The following AFF1 variants were observed in gnomAD, a reference collection of about 807,000 sequenced individuals.
The protein encoded by AFF1 is AF4/FMR2 family member 1.
AFF1 carries 48 observed loss-of-function variants against 121.7 expected under a neutral mutation model. That is an observed-to-expected ratio of 0.39 (90% confidence interval 0.31 to 0.50). The LOEUF (loss-of-function observed/expected upper bound fraction) is 0.50, where lower values mean the gene tolerates loss of function less well. Among genes scored for constraint, AFF1 ranks in the 20% least tolerant of loss-of-function variants. The pLI, the probability that AFF1 is intolerant of heterozygous loss-of-function variation, is 0.76. For synonymous variants in AFF1, 613 were observed against 563.0 expected, an observed-to-expected ratio of 1.09 and a Z score of -1.26; for missense variants, 1,523 against 1,511.7, an observed-to-expected ratio of 1.01 and a Z score of -0.12.
intron 2 of AFF1, among the ~76,000 whole-genome samples, chr4:87,001,286 G>A (rs540684351): frequency 3.3e-5 from 4 of 122,620 alleles, no homozygotes; most frequent in Admixed American, 1.2e-4. Flanking sequence ...GTGCAATCTC[G>A]GCTCACTGCA....
intron 2 of AFF1, among the ~76,000 whole-genome samples, chr4:87,030,785 CTG>C (rs1728996313): frequency 6.6e-6 from 1 of 152,166 alleles, no homozygotes. Context: ...CAGCAAAGCT[CTG>C]TGTAACCAGC....
intron 16 of AFF1, 98 bp downstream of exon 16, chr4:87,127,801 T>TAGGGGAAA: frequency 8.2e-7 from 1 of 1,225,534 alleles, no homozygotes; most frequent in Non-Finnish European, 1.2e-6. Flanking sequence ...TCACTCAGCG[T>TAGGGGAAA]ATGTGCGGTG....
chr4:87,131,788 T>G lies in AFF1; in HGVS notation c.3102-5T>G. On this transcript the variant is annotated splice_region_variant and splice_polypyrimidine_tract_variant and intron_variant, in intron 17 of 20. Coordinates refer to ENST00000395146, the MANE Select transcript of AFF1 (RefSeq NM_001166693.3). ...AACCTGATGTACTTTTATATTTTCCTATAGATTCATAATGTCATTAAAATC... is the reference window on the plus strand; with the variant it reads ...AACCTGATGTACTTTTATATTTTCCGATAGATTCATAATGTCATTAAAATC... 6 of 1,589,996 alleles carry G rather than the reference T, an allele frequency of 3.8e-6. No individual in the cohort carries two copies. The highest frequency in any genetic ancestry group is 5.1e-6 in the Non-Finnish European group (6 of 1,167,210).
chr4:87,105,825 C>T lies in AFF1; in HGVS notation c.1356C>T (p.Pro452=). 1.2e-6 allele frequency: 2 copies of T among 1,614,132 alleles called. No individual in the cohort carries two copies. The highest frequency in any genetic ancestry group is 8.5e-7 in the Non-Finnish European group (1 of 1,180,030). The change falls in exon 10 of 21, where the codon CCC becomes CCT. Residue 452 remains proline (P), a synonymous_variant. Coordinates refer to ENST00000395146, the MANE Select transcript of AFF1 (RefSeq NM_001166693.3). ...SDSEQTPEKP[P]SSSAPPSAPQ... is the part of the protein sequence containing the mutation. ...ATGCCTAGACCCCAGAGAAGCCTCC[C>T]TCCTCATCTGCACCTCCAAGGTACC...
rs80019854 is a variant in AFF1 at position 87,021,522 on chromosome 4, T to C, written c.39-24644T>C. On this transcript the variant is annotated intron_variant, in intron 2 of 20. Coordinates refer to ENST00000395146, the MANE Select transcript of AFF1 (RefSeq NM_001166693.3). ...TAGGCAGAAGCAGTGTTTCACAGTA[T>C]CATTGTTTCTGTGGATAGTATCCCA... is the stretch of plus-strand genomic sequence containing the variant. 1.0e-3 allele frequency among the ~76,000 whole-genome samples: 159 copies of C among 152,380 alleles called. 3 individuals are homozygous for C. In the East Asian group the frequency reaches 0.027, roughly 26 times the overall value.
At chr4:86,981,122 C>T (rs1473257855) in intron 2 of AFF1, among the ~76,000 whole-genome samples, 1 of 152,034 alleles carries the variant, frequency 6.6e-6, no homozygotes, top group African/African-American at 2.4e-5. Context: ...ACGCCACTCT[C>T]CTGCCTCAGC....
intron 2 of AFF1, among the ~76,000 whole-genome samples, chr4:87,001,243 CGTCTCGCTCTGT>C (rs1226127571): frequency 3.0e-5 from 3 of 98,548 alleles, no homozygotes; most frequent in Non-Finnish European, 5.7e-5. Context: ...TTGGTGACGG[CGTCTCGCTCTGT>C]CACCAGGCTG....
chr4:86,955,265 G>A (rs1560499633), intron 2 of AFF1, among the ~76,000 whole-genome samples: 1 of 152,160 alleles, frequency 6.6e-6, no homozygotes, highest in African/African-American at 2.4e-5. Flanking sequence ...CTCCTCCAGC[G>A]TCAACTCAAA....
chr4:87,114,423 C>A lies in AFF1; in HGVS notation c.1590C>A (p.Ser530Arg). 1 of 1,610,008 alleles carries A rather than the reference C, an allele frequency of 6.2e-7. No homozygotes were observed. Among genetic ancestry groups the A allele is most frequent in the Non-Finnish European group, 8.5e-7 (1 of 1,179,098 alleles). The change falls in exon 12 of 21, where the codon AGC becomes AGA. Residue 530 changes from serine (S) to arginine (R), a missense_variant. Transcript: ENST00000395146. ...WQLDNWLTKV[S>R]QPAAPPEGPR... ...TGGACAACTGGCTGACCAAAGTCAG[C>A]CAGCCAGCTGCGCCACCAGAGGGCC...
At chr4:87,099,708 C>T (rs900199527) in intron 8 of AFF1, among the ~76,000 whole-genome samples, 2 of 152,188 alleles carry the variant, frequency 1.3e-5, no homozygotes. Flanking sequence ...TGTGCCCGGC[C>T]CCCACATGCT....
intron 2 of AFF1, among the ~76,000 whole-genome samples, chr4:86,988,936 G>GA (rs1724496414): frequency 6.6e-6 from 1 of 152,166 alleles, no homozygotes; most frequent in African/African-American, 2.4e-5. Context: ...AAGCAATGGG[G>GA]AAAGGATTCC....
chr4:87,097,305 A>T (rs905331231), intron 8 of AFF1, among the ~76,000 whole-genome samples: 14 of 152,052 alleles, frequency 9.2e-5, no homozygotes, highest in Non-Finnish European at 1.8e-4. Flanking sequence ...TGGATAGAGG[A>T]AGAAAGGCAG....
intron 8 of AFF1, among the ~76,000 whole-genome samples, chr4:87,099,095 G>A (rs1725163574): frequency 6.6e-6 from 1 of 152,174 alleles, no homozygotes; most frequent in African/African-American, 2.4e-5. Context: ...ATCATGCTTA[G>A]CCTAAGGAAA....
intron 2 of AFF1, among the ~76,000 whole-genome samples, chr4:87,033,035 A>G (rs749389563): frequency 6.6e-6 from 1 of 152,180 alleles, no homozygotes; most frequent in Non-Finnish European, 1.5e-5. Flanking sequence ...CTGTAGTCCC[A>G]GCTACTCAGG....
rs61071328 is a variant in AFF1, at chr4:87,013,032, C to CTT, written c.39-33109_39-33108dup. Among the ~76,000 whole-genome samples, 319 of 93,452 alleles carry CTT rather than the reference C, an allele frequency of 3.4e-3. 35 individuals carry two copies. Among genetic ancestry groups the CTT allele is most frequent in the African/African-American group, 0.013 (304 of 23,222 alleles). The allele number at this position is 93,452 out of a possible 152,430, so 61.3% of individuals were successfully genotyped here. On this transcript the variant is annotated intron_variant, in intron 2 of 20. Transcript: ENST00000395146. The stretch of plus-strand genomic sequence containing the variant: ...AACCAGATTGAACTGCTATCAAGTT[C>CTT]TTTTTTTTTTTTTTTTTTTTTTTTT...
At chr4:87,080,032 A>G (rs1723020452) in intron 4 of AFF1, among the ~76,000 whole-genome samples, 1 of 152,234 alleles carries the variant, frequency 6.6e-6, no homozygotes, top group Admixed American at 6.5e-5. Flanking sequence ...TTCAATAAGT[A>G]GCTGCTATCA....
chr4:87,106,201 G>A (rs887860010), intron 10 of AFF1, among the ~76,000 whole-genome samples: 1 of 152,160 alleles, frequency 6.6e-6, no homozygotes. Context: ...TGGCCAACAT[G>A]GTGAAACCCT....
At chr4:86,978,475 C>T (rs977944989) in intron 2 of AFF1, among the ~76,000 whole-genome samples, 1 of 151,996 alleles carries the variant, frequency 6.6e-6, no homozygotes, top group African/African-American at 2.4e-5. Flanking sequence ...AGCCACCATG[C>T]CCGGCCTACA....
At chr4:87,093,708 TATC>T (rs1560617953) in intron 7 of AFF1, among the ~76,000 whole-genome samples, 2 of 152,116 alleles carry the variant, frequency 1.3e-5, no homozygotes, top group Admixed American at 6.5e-5. Flanking sequence ...CATTTGAAAA[TATC>T]ATATAAGAGC....
Sources: gnomAD v4.1 joint callset for allele counts (sites outside exome capture counted in the v4.1 genomes callset) on GRCh38, gnomAD v4.1.1 for gene constraint, MANE v1.5 for transcripts, NCBI Gene and HGNC (gene_info 2026-07-23, HGNC 2026-07-21) for gene names.